SLC41A3: variants seen among roughly 807,000 people sequenced by gnomAD.
SLC41A3 encodes the protein solute carrier family 41 member 3.
SLC41A3 carries 44 observed loss-of-function variants against 45.4 expected under a neutral mutation model. That is an observed-to-expected ratio of 0.97 (90% confidence interval 0.76 to 1.25). The LOEUF (loss-of-function observed/expected upper bound fraction) is 1.25, where lower values mean the gene tolerates loss of function less well. SLC41A3 is among the 50% of genes most tolerant of loss of function. The pLI, the probability that SLC41A3 is intolerant of heterozygous loss-of-function variation, is 0.00. For missense variants in SLC41A3, 550 were observed against 600.6 expected (o/e 0.92, Z 0.88); for synonymous variants, 256 against 252.4 (o/e 1.01, Z -0.13).
chr3:126,070,111 C>A (rs1437570702), intron 1 of SLC41A3: 2 of 152,164 alleles, frequency 1.3e-5, no homozygotes, highest in African/African-American at 2.4e-5. Flanking sequence ...TAGAGCTCCA[C>A]GAATTCCAAG....
At chr3:126,041,346 A>T (rs529868823) in intron 3 of SLC41A3, among the ~76,000 whole-genome samples, 42 of 152,360 alleles carry the variant, frequency 2.8e-4, no homozygotes, top group Non-Finnish European at 4.7e-4. Context: ...ATGTCTTTAG[A>T]TTGAAAAACT....
At chr3:126,099,983 G>A (rs1945677726) in intron 1 of SLC41A3, among the ~76,000 whole-genome samples, 1 of 152,168 alleles carries the variant, frequency 6.6e-6, no homozygotes, top group African/African-American at 2.4e-5. Flanking sequence ...ACCTGATGTG[G>A]TGGGCTTTGC....
intron 3 of SLC41A3, among the ~76,000 whole-genome samples, chr3:126,034,388 A>G (rs1480276839): frequency 2.0e-5 from 3 of 152,294 alleles, no homozygotes; most frequent in Non-Finnish European, 4.4e-5. Flanking sequence ...ATATTTTCCT[A>G]GATTCCTTAA....
intron 5 of SLC41A3, 88 bp from the exon 6 acceptor site, chr3:126,023,020 C>A (rs1941040178): frequency 6.5e-7 from 1 of 1,547,462 alleles, no homozygotes; most frequent in East Asian, 2.3e-5. Context: ...GGATGGGCGG[C>A]ACTGAGTAGG....
chr3:126,057,476 G>A (rs1943745094), intron 2 of SLC41A3, among the ~76,000 whole-genome samples: 1 of 152,230 alleles, frequency 6.6e-6, no homozygotes, highest in South Asian at 2.1e-4. Flanking sequence ...CTGAGGGCAG[G>A]CTGGGGCAGG....
chr3:126,041,576 A>T (rs1942597445), intron 3 of SLC41A3, among the ~76,000 whole-genome samples: 1 of 152,266 alleles, frequency 6.6e-6, no homozygotes, highest in Non-Finnish European at 1.5e-5. Flanking sequence ...CAGGAACATA[A>T]CTATGAACAT....
chr3:126,086,578 T>G (rs962860917), upstream of SLC41A3, among the ~76,000 whole-genome samples: 5 of 151,726 alleles, frequency 3.3e-5, no homozygotes, highest in African/African-American at 9.7e-5. Flanking sequence ...ATAATTTTGT[T>G]TAAATGGCAA....
At chr3:126,048,918 AT>A (rs1372778370) in intron 3 of SLC41A3, among the ~76,000 whole-genome samples, 1 of 136,764 alleles carries the variant, frequency 7.3e-6, no homozygotes, top group African/African-American at 2.8e-5. Context: ...CTTAAGACTG[AT>A]TTAAAAAAAA....
intron 2 of SLC41A3, among the ~76,000 whole-genome samples, chr3:126,053,100 A>C (rs986277039): frequency 6.6e-6 from 1 of 152,246 alleles, no homozygotes; most frequent in Non-Finnish European, 1.5e-5. Context: ...GTCTATGGAC[A>C]CTGGCTGAAC....
intron 4 of SLC41A3, among the ~76,000 whole-genome samples, chr3:126,028,602 C>G (rs1001390565): frequency 6.6e-6 from 1 of 152,252 alleles, no homozygotes; most frequent in Non-Finnish European, 1.5e-5. Flanking sequence ...TTGGAGCCCC[C>G]CACACAGTTC....
intron 3 of SLC41A3, 46 bp downstream of exon 3, chr3:126,050,897 C>A (rs1436188723): frequency 6.3e-7 from 1 of 1,578,690 alleles, no homozygotes; most frequent in African/African-American, 1.3e-5. Context: ...TAGGGACGCG[C>A]CTGCCTCACG....
rs1941326723 is a variant in SLC41A3 at position 126,026,203 on chromosome 3, A to AC, written c.598+131dup. On this transcript the variant is annotated intron_variant, in intron 5 of 10. Coordinates refer to ENST00000360370, the MANE Select transcript of SLC41A3 (RefSeq NM_017836.4). This position sits in a 1 kb window ranked among gnomAD's most constrained non-coding sequence, Gnocchi z 4.2. ...GGCTCGTCCCACCCTGCCAGTGAGA[A>AC]CCCTGAGCCCACCATCAGTCCCATT... The AC allele has an allele frequency of 3.6e-6, 5 of 1,381,586 alleles. No individual in the cohort carries two copies. The highest frequency in any genetic ancestry group is 3.9e-6 in the Non-Finnish European group (4 of 1,028,124). 85.6% of individuals were successfully genotyped at this position (1,381,586 alleles called of 1,614,324 possible).
intron 1 of SLC41A3, among the ~76,000 whole-genome samples, chr3:126,068,898 C>A (rs1418214687): frequency 6.6e-6 from 1 of 152,152 alleles, no homozygotes; most frequent in Non-Finnish European, 1.5e-5. Flanking sequence ...TTGGAGTTCA[C>A]CTGGTGCAAA....
At chr3:126,044,624 A>C (rs936242873) in intron 3 of SLC41A3, among the ~76,000 whole-genome samples, 1 of 152,296 alleles carries the variant, frequency 6.6e-6, no homozygotes, top group Admixed American at 6.5e-5. Flanking sequence ...GGCCGGGCGC[A>C]GTGGCTCACG....
chr3:126,100,944 A>T (rs1364528578), intron 1 of SLC41A3, among the ~76,000 whole-genome samples: 1 of 152,250 alleles, frequency 6.6e-6, no homozygotes, highest in Non-Finnish European at 1.5e-5. Flanking sequence ...TTCTGTTAAC[A>T]TGGCGAGACA....
chr3:126,050,199 T>C (rs1256560715), intron 3 of SLC41A3, among the ~76,000 whole-genome samples: 1 of 152,150 alleles, frequency 6.6e-6, no homozygotes, highest in Non-Finnish European at 1.5e-5. Flanking sequence ...ACCTATCTCT[T>C]CAGCCTCATG....
upstream of SLC41A3, among the ~76,000 whole-genome samples, chr3:126,086,109 A>C (rs951957541): frequency 6.6e-6 from 1 of 152,182 alleles, no homozygotes; most frequent in African/African-American, 2.4e-5. Flanking sequence ...AGAAAAAAAA[A>C]GGTGGGAAAC....
chr3:126,051,261 G>A (rs551123424), intron 2 of SLC41A3, among the ~76,000 whole-genome samples: 75 of 152,374 alleles, frequency 4.9e-4, no homozygotes, highest in Admixed American at 2.6e-3. Flanking sequence ...ATCAGCGGCC[G>A]TAAGCACACT....
intron 3 of SLC41A3, among the ~76,000 whole-genome samples, chr3:126,036,583 G>A (rs1342676639): frequency 6.6e-6 from 1 of 152,124 alleles, no homozygotes; most frequent in Non-Finnish European, 1.5e-5. Context: ...CTCACTCCCT[G>A]TGGGTGTGAG....
Sources: allele counts gnomAD v4.1 joint callset (sites outside exome capture counted in the v4.1 genomes callset), GRCh38; gene constraint gnomAD v4.1.1; non-coding constraint Gnocchi (gnomAD v3.1); transcripts MANE v1.5; gene names NCBI Gene and HGNC (gene_info 2026-07-23, HGNC 2026-07-21).